The following STAU2 variants were observed in gnomAD, a reference collection of about 807,000 sequenced individuals.
STAU2 encodes staufen double-stranded RNA binding protein 2, also known as double-stranded RNA-binding protein Staufen homolog 2.
A neutral mutation model predicts 65.9 loss-of-function variants in STAU2; 20 were observed. The ratio of observed to expected loss-of-function variants is 0.30; its 90% CI spans 0.21 to 0.44. The LOEUF (loss-of-function observed/expected upper bound fraction) is 0.44, where lower values mean the gene tolerates loss of function less well. STAU2 is among the 20% of genes least tolerant of loss of function. STAU2 has a pLI of 1.00. For synonymous variants in STAU2, 232 were observed against 233.9 expected, an observed-to-expected ratio of 0.99 and a Z score of 0.07; for missense variants, 558 against 683.9, an observed-to-expected ratio of 0.82 and a Z score of 2.05.
At chr8:73,723,370 T>C (rs1445376126) in intron 3 of STAU2, among the ~76,000 whole-genome samples, 3 of 152,250 alleles carry the variant, frequency 2.0e-5, no homozygotes, top group African/African-American at 7.2e-5. Context: ...CTGCTATACC[T>C]TGGTGTAGTT....
chr8:73,478,244 G>A (rs957250128), intron 13 of STAU2, among the ~76,000 whole-genome samples: 1 of 114,622 alleles, frequency 8.7e-6, no homozygotes, highest in Non-Finnish European at 1.7e-5. Flanking sequence ...CACATTGGAA[G>A]AATTAAGAAT....
At chr8:73,496,392 C>T (rs999505535) in intron 13 of STAU2, among the ~76,000 whole-genome samples, 1 of 151,520 alleles carries the variant, frequency 6.6e-6, no homozygotes, top group Non-Finnish European at 1.5e-5. Flanking sequence ...GTGTATGTGT[C>T]TGTGTGTTGT....
chr8:73,683,046 T>G (rs1268842657), intron 5 of STAU2, among the ~76,000 whole-genome samples: 1 of 152,116 alleles, frequency 6.6e-6, no homozygotes, highest in East Asian at 1.9e-4. Flanking sequence ...AAAAAAGAAC[T>G]GGTATTAATC....
intron 13 of STAU2, among the ~76,000 whole-genome samples, chr8:73,441,793 T>A (rs950874782): frequency 6.6e-6 from 1 of 152,274 alleles, no homozygotes; most frequent in African/African-American, 2.4e-5. Context: ...AAGTAGCTGC[T>A]GAATGTTGGC....
intron 3 of STAU2, among the ~76,000 whole-genome samples, chr8:73,718,607 G>A (rs557235827): frequency 1.1e-4 from 16 of 152,332 alleles, no homozygotes; most frequent in Non-Finnish European, 1.9e-4. Flanking sequence ...AGCACTGCAA[G>A]TATTGGTTTT....
chr8:73,533,967 T>C (rs1359790214), intron 13 of STAU2, among the ~76,000 whole-genome samples: 3 of 152,184 alleles, frequency 2.0e-5, no homozygotes, highest in African/African-American at 7.2e-5. Flanking sequence ...TGCTTGTCTG[T>C]CGGATGTTTT....
intron 3 of STAU2, among the ~76,000 whole-genome samples, chr8:73,730,214 T>C (rs1805945826): frequency 6.6e-6 from 1 of 152,210 alleles, no homozygotes; most frequent in South Asian, 2.1e-4. Flanking sequence ...CATATATTGT[T>C]TCCATTTTAA....
intron 7 of STAU2, among the ~76,000 whole-genome samples, chr8:73,616,792 C>T (rs1336795833): frequency 7.0e-6 from 1 of 142,642 alleles, no homozygotes; most frequent in East Asian, 2.3e-4. Context: ...AGCGAGGCTC[C>T]ATCTCAAAAA....
intron 5 of STAU2, 34 bp downstream of exon 5, chr8:73,688,620 G>A (rs1158314463): frequency 1.2e-6 from 2 of 1,608,080 alleles, no homozygotes; most frequent in African/African-American, 2.7e-5. Context: ...AACACACATA[G>A]CAGACAACAT....
At chr8:73,737,218 T>C (rs1030619295) in intron 3 of STAU2, among the ~76,000 whole-genome samples, 1 of 150,408 alleles carries the variant, frequency 6.6e-6, no homozygotes, top group Non-Finnish European at 1.5e-5. Context: ...TTGCCCAGGG[T>C]GGAGTGCAAT....
intron 2 of STAU2, among the ~76,000 whole-genome samples, chr8:73,739,029 C>T (rs184050306): frequency 5.9e-5 from 9 of 151,950 alleles, no homozygotes; most frequent in South Asian, 2.1e-4. Context: ...TTCAGGAGTT[C>T]GGGACCAGCC....
intron 10 of STAU2, among the ~76,000 whole-genome samples, chr8:73,597,301 A>T (rs540309782): frequency 3.3e-5 from 5 of 152,174 alleles, no homozygotes; most frequent in African/African-American, 1.2e-4. Context: ...GACACAAATA[A>T]GAAATGAAAT....
At chr8:73,716,836 G>C (rs1249034353) in intron 3 of STAU2, among the ~76,000 whole-genome samples, 1 of 152,120 alleles carries the variant, frequency 6.6e-6, no homozygotes, top group Non-Finnish European at 1.5e-5. Flanking sequence ...AGGCGCGGTG[G>C]CTCACGCCTG....
intron 5 of STAU2, among the ~76,000 whole-genome samples, chr8:73,678,181 C>G (rs943201733): frequency 8.5e-5 from 13 of 152,236 alleles, no homozygotes; most frequent in African/African-American, 3.1e-4. Flanking sequence ...ACATGTCAAA[C>G]TGAGCTTCCT....
At chr8:73,493,328 T>C (rs1021450826) in intron 13 of STAU2, among the ~76,000 whole-genome samples, 2 of 150,938 alleles carry the variant, frequency 1.3e-5, no homozygotes, top group African/African-American at 2.4e-5. Flanking sequence ...GATAAGAAAA[T>C]GAATAAGGAA....
At chr8:73,678,580 C>T (rs1326773989) in intron 5 of STAU2, among the ~76,000 whole-genome samples, 1 of 152,122 alleles carries the variant, frequency 6.6e-6, no homozygotes, top group African/African-American at 2.4e-5. Context: ...TCTTTACCAT[C>T]AAATTACGTG....
chr8:73,739,728 G>T, intron 2 of STAU2, 28 bp downstream of exon 2: 1 of 1,477,046 alleles, frequency 6.8e-7, no homozygotes, highest in South Asian at 1.4e-5. Context: ...TGGTGAATTT[G>T]AGTTTTAGTC....
At chr8:73,712,209 T>G (rs73689033) in intron 3 of STAU2, among the ~76,000 whole-genome samples, 10,992 of 152,240 alleles carry the variant, frequency 0.072, 436 homozygotes, top group Middle Eastern at 0.14. Context: ...TTTGAAATAG[T>G]CTTCAAGTCC....
chr8:73,620,267 T>C (rs1014547894), intron 6 of STAU2, among the ~76,000 whole-genome samples: 1 of 152,194 alleles, frequency 6.6e-6, no homozygotes, highest in Non-Finnish European at 1.5e-5. Context: ...ATCAGAAATT[T>C]ACTCCTGAAG....
Sources: gnomAD v4.1 joint callset for allele counts (sites outside exome capture counted in the v4.1 genomes callset) on GRCh38, gnomAD v4.1.1 for gene constraint, MANE v1.5 for transcripts, NCBI Gene and HGNC (gene_info 2026-07-23, HGNC 2026-07-21) for gene names.